Variants in ZBTB8A observed in about 807,000 individuals in gnomAD.
ZBTB8A encodes zinc finger and BTB domain containing 8A.
In ZBTB8A, 19 loss-of-function variants were observed where a neutral mutation model predicts 37.8. The ratio of observed to expected loss-of-function variants is 0.50; its 90% CI spans 0.35 to 0.74. The LOEUF is 0.74. Among genes scored for constraint, ZBTB8A ranks in the 30% least tolerant of loss-of-function variants. ZBTB8A has a pLI of 0.01. For missense variants in ZBTB8A, 394 were observed against 537.8 expected, an observed-to-expected ratio of 0.73 and a Z score of 2.65; for synonymous variants, 181 against 185.2, an observed-to-expected ratio of 0.98 and a Z score of 0.19.
chr1:32,566,002 C>A (rs901443653), intron 2 of ZBTB8A, among the ~76,000 whole-genome samples: 1 of 151,510 alleles, frequency 6.6e-6, no homozygotes, highest in Non-Finnish European at 1.5e-5. Context: ...GAGATCGAGA[C>A]CATCCTGGCT....
intron 2 of ZBTB8A, among the ~76,000 whole-genome samples, chr1:32,556,315 A>G (rs1434845424): frequency 6.6e-6 from 1 of 151,820 alleles, no homozygotes; most frequent in African/African-American, 2.4e-5. Context: ...TGATCCACTC[A>G]CCTCAGCCTC....
At chr1:32,585,943 C>G (rs560961534) in intron 2 of ZBTB8A, among the ~76,000 whole-genome samples, 1 of 150,232 alleles carries the variant, frequency 6.7e-6, no homozygotes, top group East Asian at 2.0e-4. Context: ...GTGGAGGTTG[C>G]GGTGAGCCAA....
chr1:32,592,959 C>T lies in ZBTB8A; in HGVS notation c.28C>T (p.Leu10Phe), dbSNP rs767886458. 1 of 1,613,030 alleles carries T rather than the reference C, an allele frequency of 6.2e-7. No individual in the cohort carries two copies. The highest frequency in any genetic ancestry group is 8.5e-7 in the Non-Finnish European group (1 of 1,179,292). Reference protein sequence around the residue: MEISSHQSHLLQQLNEQRRQ... With the variant: MEISSHQSHFLQQLNEQRRQ... ...GGAGATCTCCTCTCATCAGTCTCAC[C>T]TCCTGCAGCAACTGAACGAGCAGCG... Residue 10 changes from leucine (L) to phenylalanine (F), a missense_variant, in exon 3 of 5, where the codon CTC becomes TTC. By Grantham distance (22) the Leu-to-Phe change is conservative (BLOSUM62 0). This residue lies in a region of ZBTB8A where 96 missense variants were observed against 165.6 expected (regional missense o/e 0.58). Transcript: ENST00000373510.
At chr1:32,551,812 A>G (rs1279719313) in intron 1 of ZBTB8A, among the ~76,000 whole-genome samples, 2 of 152,090 alleles carry the variant, frequency 1.3e-5, no homozygotes, top group African/African-American at 2.4e-5. Flanking sequence ...GCTTCAGGTG[A>G]CCTTCTTGCT....
chr1:32,557,008 G>T (rs368634788), intron 2 of ZBTB8A, among the ~76,000 whole-genome samples: 71 of 151,994 alleles, frequency 4.7e-4, no homozygotes, highest in African/African-American at 1.5e-3. Flanking sequence ...AGGGTGAAAG[G>T]GAAGGGGAAA....
In ZBTB8A at chr1:32,593,762, A is replaced by G. The variant is rs1300414686; in HGVS notation, c.823+8A>G. On this transcript the variant is annotated splice_region_variant and intron_variant, in intron 3 of 4. Coordinates refer to ENST00000373510, the MANE Select transcript of ZBTB8A (RefSeq NM_001040441.3). ...CATCCAAAAGCTTTCCAGGTACCCA[A>G]AAAGAGCATAAGTCCCCTCATCCAG... The G allele has an allele frequency of 6.3e-7, 1 of 1,599,392 alleles. No homozygotes were observed.
At chr1:32,592,734 T>C (rs1444570380) in intron 2 of ZBTB8A, among the ~76,000 whole-genome samples, 197 bp from the exon 3 acceptor site, 1 of 152,038 alleles carries the variant, frequency 6.6e-6, no homozygotes, top group African/African-American at 2.4e-5. Flanking sequence ...CTCGAACTCC[T>C]GACCTCAGGT....
chr1:32,597,572 A>G (rs1644542918), intron 4 of ZBTB8A, among the ~76,000 whole-genome samples: 1 of 152,164 alleles, frequency 6.6e-6, no homozygotes, highest in African/African-American at 2.4e-5. Flanking sequence ...CATTTCCTTT[A>G]GTGGAAAGTG....
intron 1 of ZBTB8A, among the ~76,000 whole-genome samples, chr1:32,550,148 AGGAGTTCAAGACCAGCCTG>A (rs1194300028): frequency 2.6e-5 from 4 of 151,680 alleles, no homozygotes; most frequent in Non-Finnish European, 4.4e-5. Context: ...TCTTGAGCCC[AGGAGTTCAAGACCAGCCTG>A]GGCAATATAT....
intron 4 of ZBTB8A, among the ~76,000 whole-genome samples, chr1:32,596,183 C>T (rs893035136): frequency 1.1e-4 from 17 of 151,944 alleles, no homozygotes; most frequent in African/African-American, 4.1e-4. Flanking sequence ...TCCTGGCTAA[C>T]ATGGTGAAAC....
intron 2 of ZBTB8A, among the ~76,000 whole-genome samples, chr1:32,569,411 T>TTG (rs1557708465): frequency 1.5e-5 from 2 of 137,020 alleles, no homozygotes; most frequent in Non-Finnish European, 3.2e-5. Context: ...TTTTTTTTTT[T>TTG]GAGACAGAGT....
intron 2 of ZBTB8A, 103 bp from the exon 3 acceptor site, chr1:32,592,828 C>T (rs1644500420): frequency 3.2e-6 from 3 of 936,488 alleles, no homozygotes; most frequent in Admixed American, 2.8e-5. Context: ...TTGATCACAC[C>T]ACTGCACTGC....
intron 2 of ZBTB8A, among the ~76,000 whole-genome samples, chr1:32,574,864 ACC>A (rs2148235335): frequency 6.6e-6 from 1 of 151,992 alleles, no homozygotes; most frequent in Admixed American, 6.6e-5. Context: ...TGCAGACTTG[ACC>A]TCCTAAGCAC....
chr1:32,592,503 G>GTTT (rs1644497419), intron 2 of ZBTB8A, among the ~76,000 whole-genome samples: 1 of 151,668 alleles, frequency 6.6e-6, no homozygotes, highest in African/African-American at 2.4e-5. Context: ...TTGTTTGTTT[G>GTTT]TTTTTGGGGT....
At chr1:32,541,851 TC>T (rs776045131) in intron 1 of ZBTB8A, among the ~76,000 whole-genome samples, 2 of 152,186 alleles carry the variant, frequency 1.3e-5, no homozygotes, top group African/African-American at 2.4e-5. Context: ...ACCGTTGCAA[TC>T]GGGATGAAGT....
chr1:32,593,063 T>C lies in ZBTB8A; in HGVS notation c.132T>C (p.Ala44=). 1 of 1,614,228 alleles carries C rather than the reference T, an allele frequency of 6.2e-7. No individual in the cohort carries two copies. The highest frequency in any genetic ancestry group is 8.5e-7 in the Non-Finnish European group (1 of 1,180,048). ...VFKAHRNVLF[A]SSGYFKMLLS... ...AAGCACATCGAAATGTATTATTCGCTAGTAGCGGCTACTTTAAAATGCTTC... is the reference window on the plus strand; with the variant it reads ...AAGCACATCGAAATGTATTATTCGCCAGTAGCGGCTACTTTAAAATGCTTC... Residue 44 remains alanine (A), a synonymous_variant, in exon 3 of 5, where the codon GCT becomes GCC. Transcript: ENST00000373510.
intron 1 of ZBTB8A, among the ~76,000 whole-genome samples, chr1:32,551,495 A>G (rs1479614093): frequency 6.6e-6 from 1 of 151,938 alleles, no homozygotes; most frequent in Non-Finnish European, 1.5e-5. Flanking sequence ...CGGGTGGTTC[A>G]CCTGAGGTTG....
At chr1:32,558,481 A>G (rs961164157) in intron 2 of ZBTB8A, among the ~76,000 whole-genome samples, 1 of 151,822 alleles carries the variant, frequency 6.6e-6, no homozygotes, top group Non-Finnish European at 1.5e-5. Context: ...ACACAAATGG[A>G]AGTAAATTAT....
rs1644030995 is a variant in ZBTB8A, at chr1:32,539,590, G to A, written c.-84+18G>A. On this transcript the variant is annotated intron_variant, in intron 1 of 4. Coordinates refer to ENST00000373510, the MANE Select transcript of ZBTB8A (RefSeq NM_001040441.3). ...GGCCCGCGGTAAGTGGCTGCACGCG[G>A]CGCCGGCGGAGGGCGGGCGGGCGTC... The A allele has an allele frequency of 6.8e-6, 1 of 147,264 alleles. No homozygotes were observed. The allele number at this position is 147,264 out of a possible 1,614,324, so 9.1% of individuals were successfully genotyped here.
Sources: allele counts gnomAD v4.1 joint callset (sites outside exome capture counted in the v4.1 genomes callset), GRCh38; gene constraint gnomAD v4.1.1; regional missense constraint gnomAD v4.1.1; transcripts MANE v1.5; gene names NCBI Gene and HGNC (gene_info 2026-07-23, HGNC 2026-07-21).